The following CD96 variants were observed in gnomAD, a reference collection of about 807,000 sequenced individuals.
CD96 encodes the protein CD96 molecule.
CD96 carries 70 observed loss-of-function variants against 71.3 expected under a neutral mutation model. The observed-to-expected ratio is 0.98, with a 90% confidence interval of 0.81 to 1.20. The LOEUF is 1.20. Ranked by LOEUF, CD96 falls within the 50% of genes most tolerant of loss-of-function variation. The pLI, the probability that CD96 is intolerant of heterozygous loss-of-function variation, is 0.00. For synonymous variants in CD96, 248 were observed against 233.0 expected, an observed-to-expected ratio of 1.06 and a Z score of -0.59; for missense variants, 742 against 677.5, an observed-to-expected ratio of 1.10 and a Z score of -1.06.
intron 1 of CD96, among the ~76,000 whole-genome samples, chr3:111,543,419 C>A (rs959426380): frequency 6.6e-6 from 1 of 151,974 alleles, no homozygotes; most frequent in Non-Finnish European, 1.5e-5. Flanking sequence ...TTCAGACCAT[C>A]GATTAGAGGT....
chr3:111,643,932 A>G lies in CD96; in HGVS notation c.1478-3611A>G, dbSNP rs555037390. 3.3e-5 allele frequency among the ~76,000 whole-genome samples: 5 copies of G among 152,286 alleles called. No homozygotes were observed. The South Asian group carries it at 8.3e-4, about 25-fold the overall frequency. On this transcript the variant is annotated intron_variant, in intron 12 of 13. Coordinates refer to ENST00000352690, the MANE Select transcript of CD96 (RefSeq NM_005816.5). Reference sequence around the variant, plus strand: ...CTGCCAAAAGCAATTTAGAAATTCAATGCAATACCCATCAGAATACCACCA... The same window carrying G: ...CTGCCAAAAGCAATTTAGAAATTCAGTGCAATACCCATCAGAATACCACCA...
intron 10 of CD96, among the ~76,000 whole-genome samples, chr3:111,629,380 C>T (rs1329181784): frequency 6.6e-6 from 1 of 151,944 alleles, no homozygotes; most frequent in Non-Finnish European, 1.5e-5. Flanking sequence ...TCTGACAAAG[C>T]ATACTTTAAA....
rs1449689226 is a variant in CD96 at position 111,554,724 on chromosome 3, A to AG, written c.418+9327dup. ...ACAACTTTTCCATAGACTGTGGTGG[A>AG]GGGGGATGGTTTGGGGATGATTCAA... On this transcript the variant is annotated intron_variant, in intron 2 of 13. Coordinates refer to ENST00000352690, the MANE Select transcript of CD96 (RefSeq NM_005816.5). 2.0e-5 allele frequency among the ~76,000 whole-genome samples: 3 copies of AG among 152,024 alleles called. No homozygotes were observed. The South Asian group carries it at 6.2e-4, about 32-fold the overall frequency.
chr3:111,651,381 AG>A lies in CD96; in HGVS notation c.*1577del, dbSNP rs1476515096. The A allele has an allele frequency of 6.6e-6, 1 of 152,224 alleles. No individual in the cohort carries two copies. Among genetic ancestry groups the A allele is most frequent in the Admixed American group, 6.5e-5 (1 of 15,284 alleles). 9.4% of individuals were successfully genotyped at this position (152,224 alleles called of 1,614,324 possible). On this transcript the variant is annotated 3_prime_UTR_variant, in exon 14 of 14. Coordinates refer to ENST00000352690, the MANE Select transcript of CD96 (RefSeq NM_005816.5). ...ATGCACCTAGGGAAAAAATTTAAGG[AG>A]GTATTCACACTCAGGGTCATGCACT...
intron 6 of CD96, 54 bp from the exon 7 acceptor site, chr3:111,600,672 T>G: frequency 7.6e-7 from 1 of 1,319,712 alleles, no homozygotes; most frequent in Middle Eastern, 1.8e-4. Context: ...GGCATTATTG[T>G]ATGGCTCATA....
At chr3:111,584,988 G>C (rs901406588) in intron 4 of CD96, among the ~76,000 whole-genome samples, 3 of 152,092 alleles carry the variant, frequency 2.0e-5, no homozygotes, top group Non-Finnish European at 4.4e-5. Context: ...GGTTAGGTTA[G>C]AAAATTTATT....
At chr3:111,643,266 C>G (rs1939679664) in intron 12 of CD96, among the ~76,000 whole-genome samples, 1 of 151,944 alleles carries the variant, frequency 6.6e-6, no homozygotes, top group South Asian at 2.1e-4. Context: ...AAAAAAAATT[C>G]AACAAAATCC....
At chr3:111,620,794 G>A (rs1313072726) in intron 8 of CD96, among the ~76,000 whole-genome samples, 1 of 152,176 alleles carries the variant, frequency 6.6e-6, no homozygotes, top group African/African-American at 2.4e-5. Flanking sequence ...CAGAGACATA[G>A]TCACACAAGG....
rs752479640 is a variant in CD96, at chr3:111,579,074, C to T, written c.591C>T (p.Ile197=). The T allele has an allele frequency of 9.9e-6, 16 of 1,609,690 alleles. No homozygotes were observed. The highest frequency in any genetic ancestry group is 1.7e-6 in the Non-Finnish European group (2 of 1,175,918). The part of the protein sequence containing the change: ...QETLISQNHL[I]SNSTLLKDRV... Reference sequence around the variant, plus strand: ...CACTTATCTCCCAAAATCACCTCATCAGCAATTCCACATTACTTAAAGATA... The same window carrying T: ...CACTTATCTCCCAAAATCACCTCATTAGCAATTCCACATTACTTAAAGATA... The change falls in exon 4 of 14, where the codon ATC becomes ATT. Residue 197 remains isoleucine (I), a synonymous_variant. Transcript: ENST00000352690.
At chr3:111,610,825 C>G (rs968757976) in intron 8 of CD96, among the ~76,000 whole-genome samples, 1 of 152,194 alleles carries the variant, frequency 6.6e-6, no homozygotes, top group Admixed American at 6.5e-5. Flanking sequence ...AGCCCTGTGC[C>G]TTTCAATTCA....
chr3:111,618,884 A>T (rs1478077360), intron 8 of CD96, among the ~76,000 whole-genome samples: 1 of 151,578 alleles, frequency 6.6e-6, no homozygotes, highest in Non-Finnish European at 1.5e-5. Context: ...CTTTTTTTTT[A>T]AGTTACCAGC....
intron 7 of CD96, among the ~76,000 whole-genome samples, chr3:111,603,829 G>A (rs1337706607): frequency 6.6e-6 from 1 of 152,142 alleles, no homozygotes; most frequent in African/African-American, 2.4e-5. Flanking sequence ...GGAACAGGAG[G>A]ACCACTGCAT....
intron 10 of CD96, among the ~76,000 whole-genome samples, chr3:111,625,480 G>A (rs1270893132): frequency 6.6e-6 from 1 of 152,010 alleles, no homozygotes; most frequent in Non-Finnish European, 1.5e-5. Flanking sequence ...AAAATAAATG[G>A]AACTTAAGTG....
Position 111,579,217 on chromosome 3 carries a change from C to A in CD96, c.734C>A (p.Thr245Asn), listed in dbSNP as rs1288973183. Residue 245 changes from threonine to asparagine, a missense_variant, in exon 4 of 14, where the codon ACC becomes AAC. Transcript: ENST00000352690. Reference sequence around the variant, plus strand: ...CCTAACAAAATCTTGAGGAGCTCCACCACAGTCAAGGTTTTTGGTAAGGGC... The same window carrying A: ...CCTAACAAAATCTTGAGGAGCTCCAACACAGTCAAGGTTTTTGGTAAGGGC... ...VGPNKILRSS[T>N]TVKVFAKPEI... 1.3e-6 allele frequency: 2 copies of A among 1,595,052 alleles called. No individual in the cohort carries two copies. Among genetic ancestry groups the A allele is most frequent in the South Asian group, 1.1e-5 (1 of 90,698 alleles).
rs138650332 is a variant in CD96, at chr3:111,599,392, CAAT to C, written c.898+1183_898+1185del. Among the ~76,000 whole-genome samples the C allele has an allele frequency of 4.4e-3, 672 of 152,218 alleles. 4 individuals are homozygous for C. The highest frequency in any genetic ancestry group is 0.01 in the Middle Eastern group (3 of 294). Reference sequence around the variant, plus strand: ...ATTTTTAAAAAAAATTCACCCACAACAATGACAGAATGCAATTCTAAAAATATA... The same window carrying C: ...ATTTTTAAAAAAAATTCACCCACAACGACAGAATGCAATTCTAAAAATATA... On this transcript the variant is annotated intron_variant, in intron 6 of 13. Transcript: ENST00000352690.
chr3:111,545,491 G>T, intron 2 of CD96, 89 bp downstream of exon 2: 1 of 885,440 alleles, frequency 1.1e-6, no homozygotes, highest in Non-Finnish European at 1.9e-6. Context: ...GTTAGGCTTG[G>T]TGCTCAGCAT....
intron 12 of CD96, among the ~76,000 whole-genome samples, chr3:111,646,778 A>G (rs575932567): frequency 5.5e-4 from 84 of 152,180 alleles, no homozygotes; most frequent in African/African-American, 2.0e-3. Flanking sequence ...TATGTTTATC[A>G]CAGCACTATT....
rs574593575 is a variant in CD96 at position 111,650,120 on chromosome 3, T to C, written c.*314T>C. ...CAGTATTTTCATTTAAATTCTCTGATGGAGGGACAACAATGGTTTCAACTG... is the reference window on the plus strand; with the variant it reads ...CAGTATTTTCATTTAAATTCTCTGACGGAGGGACAACAATGGTTTCAACTG... On this transcript the variant is annotated 3_prime_UTR_variant, in exon 14 of 14. Coordinates refer to ENST00000352690, the MANE Select transcript of CD96 (RefSeq NM_005816.5). 24 of 358,656 alleles carry C rather than the reference T, an allele frequency of 6.7e-5. No individual in the cohort carries two copies. The highest frequency in any genetic ancestry group is 5.0e-4 in the African/African-American group (24 of 47,662). The allele number at this position is 358,656 out of a possible 1,614,324, so 22.2% of individuals were successfully genotyped here.
Position 111,623,812 on chromosome 3 carries a change from C to G in CD96, c.1239C>G (p.Thr413=), listed in dbSNP as rs1002521009. The G allele has an allele frequency of 1.9e-6, 3 of 1,607,398 alleles. No individual in the cohort carries two copies. The highest frequency in any genetic ancestry group is 2.6e-6 in the Non-Finnish European group (3 of 1,173,892). ...ATGTGAGTGCCTTGAGGCCAAACACCACTCCTCAACGTGAGTTCAGCAAAG... is the reference window on the plus strand; with the variant it reads ...ATGTGAGTGCCTTGAGGCCAAACACGACTCCTCAACGTGAGTTCAGCAAAG... The part of the protein sequence containing the change: ...LVDVSALRPN[T]TPQPSNSSMT... Residue 413 remains threonine, a synonymous_variant, in exon 9 of 14, where the codon ACC becomes ACG. Coordinates refer to ENST00000352690, the MANE Select transcript of CD96 (RefSeq NM_005816.5).
Sources: gnomAD v4.1 joint callset for allele counts (sites outside exome capture counted in the v4.1 genomes callset) on GRCh38, gnomAD v4.1.1 for gene constraint, MANE v1.5 for transcripts, NCBI Gene and HGNC (gene_info 2026-07-23, HGNC 2026-07-21) for gene names.